The following TCHH variants were observed in gnomAD, a reference collection of about 807,000 sequenced individuals.
TCHH encodes trichohyalin.
A neutral mutation model predicts 6.3 loss-of-function variants in TCHH; 6 were observed. The ratio of observed to expected loss-of-function variants is 0.95; its 90% CI spans 0.52 to 1.88. The LOEUF (loss-of-function observed/expected upper bound fraction) is 1.88, where lower values mean the gene tolerates loss of function less well. Among genes scored for constraint, TCHH ranks in the 40% most tolerant of loss-of-function variants. The probability of loss-of-function intolerance (pLI) is 0.01; values close to 1 mark genes in which losing one functional copy is unlikely to be tolerated. For missense variants in TCHH, 2,920 were observed against 2,449.1 expected, an observed-to-expected ratio of 1.19 and a Z score of -4.06; for synonymous variants, 1,087 against 963.6, an observed-to-expected ratio of 1.13 and a Z score of -2.37.
chr1:152,109,458 C>T lies in TCHH; in HGVS notation c.3759G>A (p.Leu1253=), dbSNP rs745523570. 3.7e-6 allele frequency: 6 copies of T among 1,614,250 alleles called. No individual in the cohort carries two copies. The South Asian group carries it at 6.6e-5, about 18-fold the overall frequency. Residue 1253 remains leucine, a synonymous_variant, in exon 3 of 3, where the codon TTG becomes TTA. Coordinates refer to ENST00000614923, the MANE Select transcript of TCHH (RefSeq NM_007113.4). ...KGRENEQFRQ[L]EDSQLRDRQS... Reference sequence around the variant, plus strand: ...GTCTGTCGCGCAGCTGGGAATCTTCCAACTGCCGGAACTGTTCATTCTCTC... The same window carrying T: ...GTCTGTCGCGCAGCTGGGAATCTTCTAACTGCCGGAACTGTTCATTCTCTC...
intron 2 of TCHH, 139 bp from the exon 3 acceptor site, chr1:152,113,217 A>G (rs879378919): frequency 1.5e-5 from 13 of 877,018 alleles, no homozygotes; most frequent in Non-Finnish European, 2.0e-5. Flanking sequence ...AGTGTGTATC[A>G]AGTTTTGTCC....
Position 152,110,941 on chromosome 1 carries a change from T to C in TCHH, c.2276A>G (p.Gln759Arg). 1.9e-6 allele frequency: 3 copies of C among 1,613,304 alleles called. No homozygotes were observed. Among genetic ancestry groups the C allele is most frequent in the Non-Finnish European group, 2.5e-6 (3 of 1,179,964 alleles). ...QEEERAHRQQ[Q>R]EEEQRRDFTW... Reference sequence around the variant, plus strand: ...GAAGTCCCGGCGCTGCTCCTCTTCCTGCTGCTGCCGGTGAGCCCGTTCCTC... The same window carrying C: ...GAAGTCCCGGCGCTGCTCCTCTTCCCGCTGCTGCCGGTGAGCCCGTTCCTC... The change falls in exon 3 of 3, where the codon CAG becomes CGG. Residue 759 changes from glutamine to arginine, a missense_variant. By Grantham distance (43) the Gln-to-Arg change is conservative (BLOSUM62 1). Coordinates refer to ENST00000614923, the MANE Select transcript of TCHH (RefSeq NM_007113.4).
rs945249456 is a variant in TCHH at position 152,106,699 on chromosome 1, G to A, written c.*686C>T. 1.3e-5 allele frequency: 2 copies of A among 152,158 alleles called. No homozygotes were observed. The highest frequency in any genetic ancestry group is 4.8e-5 in the African/African-American group (2 of 41,418). The allele number at this position is 152,158 out of a possible 1,614,324, so 9.4% of individuals were successfully genotyped here. The stretch of plus-strand genomic sequence containing the variant: ...GAGAAACACCTCATTATTTCTTCAT[G>A]AGATTATGTGTTTAAGTGGAGTTGA... On this transcript the variant is annotated 3_prime_UTR_variant, in exon 3 of 3. Transcript: ENST00000614923.
Position 152,109,325 on chromosome 1 carries a change from G to A in TCHH, c.3892C>T (p.Gln1298Ter). ...TCCTTTTGCTCTTCTCGCTCCAGCTGTTCTTCCTCTGGGAAATGCCTGTCG... is the reference window on the plus strand; with the variant it reads ...TCCTTTTGCTCTTCTCGCTCCAGCTATTCTTCCTCTGGGAAATGCCTGTCG... Reference protein sequence around the residue: ...QRDRHFPEEEQLEREEQKEAK... With the variant: ...QRDRHFPEEE Residue 1298 changes from glutamine (Q) to a stop codon, truncating the protein, a stop_gained, in exon 3 of 3, where the codon CAG becomes TAG. Transcript: ENST00000614923. LOFTEE classifies it low-confidence loss of function (END_TRUNC). 2 of 1,614,156 alleles carry A rather than the reference G, an allele frequency of 1.2e-6. No homozygotes were observed. Among genetic ancestry groups the A allele is most frequent in the Non-Finnish European group, 1.7e-6 (2 of 1,180,028 alleles).
In TCHH at chr1:152,109,008, C is replaced by G; in HGVS notation, c.4209G>C (p.Glu1403Asp). 1 of 1,611,598 alleles carries G rather than the reference C, an allele frequency of 6.2e-7. No homozygotes were observed. Among genetic ancestry groups the G allele is most frequent in the Non-Finnish European group, 8.5e-7 (1 of 1,179,306 alleles). Residue 1403 changes from glutamate (E) to aspartate (D), a missense_variant, in exon 3 of 3, where the codon GAG (glutamate) becomes GAC (aspartate). Physicochemically the swap from Glu to Asp is conservative, Grantham distance 45. Transcript: ENST00000614923. ...LKEEQQLRCQ[E>D]REQQLRQDRD... ...GGTCCTGACGCAGCTGTTGCTCGCG[C>G]TCCTGGCAGCGCAGCTGCTGTTCCT...
In TCHH at chr1:152,110,573, TTTC is replaced by T. The variant is rs774679652; in HGVS notation, c.2641_2643del (p.Glu881del). On this transcript the variant is annotated inframe_deletion, in exon 3 of 3. Coordinates refer to ENST00000614923, the MANE Select transcript of TCHH (RefSeq NM_007113.4). ...TACAGCGTGTGGCGGCGTCTCTTCC[TTTC>T]TTCTTCTAGTTGCCACCTCCATTTT... 670 of 1,614,128 alleles carry T rather than the reference TTTC, an allele frequency of 4.2e-4. No individual in the cohort carries two copies. Among genetic ancestry groups the T allele is most frequent in the Admixed American group, 8.5e-4 (51 of 60,016 alleles).
In TCHH at chr1:152,108,689, T is replaced by C. The variant is rs539886019; in HGVS notation, c.4528A>G (p.Ser1510Gly). Residue 1510 changes from serine to glycine, a missense_variant, in exon 3 of 3, where the codon AGT becomes GGT. Transcript: ENST00000614923. ...DRKFREQELR[S>G]QEPERKFLEE... is the part of the protein sequence containing the mutation. ...AGGAATTTTCTCTCTGGTTCCTGAC[T>C]GCGCAGTTCCTGTTCGCGGAATTTT... 1.9e-6 allele frequency: 3 copies of C among 1,604,696 alleles called. No individual in the cohort carries two copies. The highest frequency in any genetic ancestry group is 8.5e-7 in the Non-Finnish European group (1 of 1,177,800).
rs753678783 is a variant in TCHH at position 152,111,155 on chromosome 1, C to T, written c.2062G>A (p.Glu688Lys). Residue 688 changes from glutamate (E) to lysine (K), a missense_variant, in exon 3 of 3, where the codon GAG becomes AAG. Coordinates refer to ENST00000614923, the MANE Select transcript of TCHH (RefSeq NM_007113.4). Reference protein sequence around the residue: ...EERREQELAEEEQEQARERIK... With the variant: ...EERREQELAEKEQEQARERIK... ...CGCTCCCGGGCCTGTTCCTGCTCCT[C>T]CTCAGCTAGCTCCTGCTCGCGCCTC... The T allele has an allele frequency of 5.0e-6, 8 of 1,613,796 alleles. 1 individual carries two copies. Among genetic ancestry groups the T allele is most frequent in the South Asian group, 4.4e-5 (4 of 91,086 alleles).
Position 152,107,449 on chromosome 1 carries a change from A to C in TCHH, c.5768T>G (p.Val1923Gly). Reference protein sequence around the residue: ...LEPGTHQFASVPVRSSPLYEY... With the variant: ...LEPGTHQFASGPVRSSPLYEY... ...ATAGAGAGGGCTGGAGCGCACTGGG[A>C]CACTGGCAAACTGATGAGTGCCGGG... Residue 1923 changes from valine to glycine, a missense_variant, in exon 3 of 3, where the codon GTC becomes GGC. Coordinates refer to ENST00000614923, the MANE Select transcript of TCHH (RefSeq NM_007113.4). 6.2e-7 allele frequency: 1 copy of C among 1,613,646 alleles called. No individual in the cohort carries two copies. The highest frequency in any genetic ancestry group is 8.5e-7 in the Non-Finnish European group (1 of 1,179,764).
chr1:152,112,593 C>G lies in TCHH; in HGVS notation c.624G>C (p.Glu208Asp). The G allele has an allele frequency of 6.2e-7, 1 of 1,613,734 alleles. No homozygotes were observed. The highest frequency in any genetic ancestry group is 8.5e-7 in the Non-Finnish European group (1 of 1,180,022). The change falls in exon 3 of 3, where the codon GAG becomes GAC. Residue 208 changes from glutamate (E) to aspartate (D), a missense_variant. Physicochemically the swap from Glu to Asp is conservative, Grantham distance 45. Transcript: ENST00000614923. Reference sequence around the variant, plus strand: ...CCAGCAGCTCCCGCCTTCGCAGTTGCTCTTCGTCTGGAAACTCCTCAGTTT... The same window carrying G: ...CCAGCAGCTCCCGCCTTCGCAGTTGGTCTTCGTCTGGAAACTCCTCAGTTT... The part of the protein sequence containing the change: ...GHETEEFPDE[E>D]QLRRRELLEL...
chr1:152,109,022 G>A lies in TCHH; in HGVS notation c.4195C>T (p.Leu1399=), dbSNP rs771265341. The change falls in exon 3 of 3, where the codon CTG becomes TTG. Residue 1399 remains leucine, a synonymous_variant. Transcript: ENST00000614923. ...TGTTGCTCGCGCTCCTGGCAGCGCA[G>A]CTGCTGTTCCTCCTTAAGGAATTTT... The part of the protein sequence containing the change: ...ERKFLKEEQQ[L]RCQEREQQLR... 26 of 1,613,508 alleles carry A rather than the reference G, an allele frequency of 1.6e-5. No individual in the cohort carries two copies. The Admixed American group carries it at 4.2e-4, about 26-fold the overall frequency.
In TCHH at chr1:152,111,819, C is replaced by T. The variant is rs566281863; in HGVS notation, c.1398G>A (p.Arg466=). 6.3e-7 allele frequency: 1 copy of T among 1,586,856 alleles called. No individual in the cohort carries two copies. The highest frequency in any genetic ancestry group is 8.6e-7 in the Non-Finnish European group (1 of 1,168,876). ...DWLKREEETE[R]HEQERRKQQL... ...GCTGCTTGCGCCTCTCCTGCTCGTGCCTCTCCGTCTCCTCCTCGCGCTTCA... is the reference window on the plus strand; with the variant it reads ...GCTGCTTGCGCCTCTCCTGCTCGTGTCTCTCCGTCTCCTCCTCGCGCTTCA... Residue 466 remains arginine, a synonymous_variant, in exon 3 of 3, where the codon AGG becomes AGA. Transcript: ENST00000614923.
In TCHH at chr1:152,108,746, C is replaced by T. The variant is rs767349778; in HGVS notation, c.4471G>A (p.Glu1491Lys). Residue 1491 changes from glutamate (E) to lysine (K), a missense_variant, in exon 3 of 3, where the codon GAA (glutamate) becomes AAA (lysine). Coordinates refer to ENST00000614923, the MANE Select transcript of TCHH (RefSeq NM_007113.4). ...QERDRKFLEE[E>K]QQLRRQERDR... is the part of the protein sequence containing the mutation. ...CGCTCTTGGCGGCGCAGCTGTTGTTCCTCCTCCAGGAATTTTCTGTCACGC... is the reference window on the plus strand; with the variant it reads ...CGCTCTTGGCGGCGCAGCTGTTGTTTCTCCTCCAGGAATTTTCTGTCACGC... 5.6e-6 allele frequency: 9 copies of T among 1,613,240 alleles called. No individual in the cohort carries two copies. The highest frequency in any genetic ancestry group is 3.3e-5 in the Admixed American group (2 of 59,890).
intron 1 of TCHH, 21 bp from the exon 2 acceptor site, chr1:152,114,132 C>A: frequency 2.6e-6 from 4 of 1,534,176 alleles, no homozygotes; most frequent in Non-Finnish European, 3.5e-6. Flanking sequence ...AAAATAAGAT[C>A]CAGAATCAAA....
At chr1:152,114,884 A>G (rs1172729456) in intron 1 of TCHH, among the ~76,000 whole-genome samples, 1 of 152,256 alleles carries the variant, frequency 6.6e-6, no homozygotes, top group Non-Finnish European at 1.5e-5. Flanking sequence ...TTAAACCCAA[A>G]TGCATCATTG....
rs746452603 is a variant in TCHH, at chr1:152,108,317, G to T, written c.4900C>A (p.Gln1634Lys). The change falls in exon 3 of 3, where the codon CAG (glutamine) becomes AAG (lysine). Residue 1634 changes from glutamine to lysine, a missense_variant. Gln to Lys is a moderately conservative substitution (Grantham distance 53). Coordinates refer to ENST00000614923, the MANE Select transcript of TCHH (RefSeq NM_007113.4). ...DEQLLQEREE[Q>K]QLHRQERDRK... ...TCACGCTCTTGGCGGTGCAGCTGCT[G>T]TTCTTCCCTTTCCTGGAGCAGCTGT... 1 of 1,611,916 alleles carries T rather than the reference G, an allele frequency of 6.2e-7. No individual in the cohort carries two copies. The highest frequency in any genetic ancestry group is 1.1e-5 in the South Asian group (1 of 91,004).
chr1:152,111,877 A>T lies in TCHH; in HGVS notation c.1340T>A (p.Leu447Gln). 6.3e-7 allele frequency: 1 copy of T among 1,577,468 alleles called. No homozygotes were observed. The highest frequency in any genetic ancestry group is 1.1e-5 in the South Asian group (1 of 89,836). Residue 447 changes from leucine (L) to glutamine (Q), a missense_variant, in exon 3 of 3, where the codon CTG becomes CAG. Coordinates refer to ENST00000614923, the MANE Select transcript of TCHH (RefSeq NM_007113.4). Reference protein sequence around the residue: ...KHEQERREQRLKREQEERRDW... With the variant: ...KHEQERREQRQKREQEERRDW... The stretch of plus-strand genomic sequence containing the variant: ...GCGCCTCTCCTCCTGCTCGCGCTTC[A>T]GCCGCTGCTCGCGCCTCTCCTGCTC...
rs2101534228 is a variant in TCHH, at chr1:152,112,811, G to A, written c.406C>T (p.Arg136Ter). 2 of 1,613,782 alleles carry A rather than the reference G, an allele frequency of 1.2e-6. No homozygotes were observed. The highest frequency in any genetic ancestry group is 2.2e-5 in the South Asian group (2 of 91,062). Residue 136 changes from arginine (R) to a stop codon, truncating the protein, a stop_gained, in exon 3 of 3, where the codon CGA becomes TGA. Transcript: ENST00000614923. LOFTEE classifies it low-confidence loss of function (END_TRUNC). ...DRQLEEEPGQRRRQKRQEQER... is the reference protein window; with the variant it reads ...DRQLEEEPGQ Reference sequence around the variant, plus strand: ...TGTTCCTGCCTCTTCTGCCTGCGTCGTTGCCCAGGTTCTTCTTCCAGTTGT... The same window carrying A: ...TGTTCCTGCCTCTTCTGCCTGCGTCATTGCCCAGGTTCTTCTTCCAGTTGT...
Position 152,112,268 on chromosome 1 carries a change from G to C in TCHH, c.949C>G (p.Gln317Glu), listed in dbSNP as rs369632871. The change falls in exon 3 of 3, where the codon CAG (glutamine) becomes GAG (glutamate). Residue 317 changes from glutamine to glutamate, a missense_variant. Physicochemically the swap from Gln to Glu is conservative, Grantham distance 29 (BLOSUM62 2). Coordinates refer to ENST00000614923, the MANE Select transcript of TCHH (RefSeq NM_007113.4). Reference sequence around the variant, plus strand: ...TGCTGCTCGCGCCTCTCCTCCTGCTGCTCGCGCCTCTCCTCCTCCTGCTTG... The same window carrying C: ...TGCTGCTCGCGCCTCTCCTCCTGCTCCTCGCGCCTCTCCTCCTCCTGCTTG... ...RRKQEEERREQQEERREQQER... is the reference protein window; with the variant it reads ...RRKQEEERREEQEERREQQER... 179 of 1,605,894 alleles carry C rather than the reference G, an allele frequency of 1.1e-4. No individual in the cohort carries two copies. The highest frequency in any genetic ancestry group is 1.5e-4 in the Non-Finnish European group (172 of 1,178,820).
Sources: allele counts gnomAD v4.1 joint callset (sites outside exome capture counted in the v4.1 genomes callset), GRCh38; gene constraint gnomAD v4.1.1; transcripts MANE v1.5; gene names NCBI Gene and HGNC (gene_info 2026-07-23, HGNC 2026-07-21).